ERRFI1: variants seen among roughly 807,000 people sequenced by gnomAD.
ERRFI1 encodes ERBB receptor feedback inhibitor 1, also known as mitogen-inducible gene 6 protein.
ERRFI1 carries 12 observed loss-of-function variants against 14.6 expected under a neutral mutation model. The observed-to-expected ratio is 0.82, with a 90% CI of 0.53 to 1.33. ERRFI1 has a LOEUF of 1.33. Ranked by LOEUF, ERRFI1 falls within the 40% of genes most tolerant of loss-of-function variation. ERRFI1 has a pLI of 0.00. For synonymous variants in ERRFI1, 202 were observed against 209.9 expected (o/e 0.96, Z 0.32); for missense variants, 482 against 572.1 (o/e 0.84, Z 1.61).
chr1:8,022,372 C>T (rs1019733937), intron 1 of ERRFI1, among the ~76,000 whole-genome samples: 3 of 152,136 alleles, frequency 2.0e-5, no homozygotes, highest in Non-Finnish European at 2.9e-5. Context: ...TTGTAAAATC[C>T]GGAATTTAAC....
At chr1:8,015,449 G>A in intron 2 of ERRFI1, 46 bp downstream of exon 2, 3 of 1,614,062 alleles carry the variant, frequency 1.9e-6, no homozygotes, top group Non-Finnish European at 2.5e-6. Context: ...CCATTTTAGT[G>A]TCACATATTT....
Position 8,012,250 on chromosome 1 carries a change from T to C in ERRFI1, c.*960A>G, listed in dbSNP as rs1641095835. 4.3e-6 allele frequency: 1 copy of C among 231,060 alleles called. No individual in the cohort carries two copies. The highest frequency in any genetic ancestry group is 1.8e-4 in the South Asian group (1 of 5,500). 14.3% of individuals were successfully genotyped at this position (231,060 alleles called of 1,614,324 possible). ...AAGGCCAGCTTGTGTTGTATGTTTA[T>C]TAATACAGTCTAAAAAAAAAAAGCA... On this transcript the variant is annotated 3_prime_UTR_variant, in exon 4 of 4. Transcript: ENST00000377482.
Position 8,013,199 on chromosome 1 carries a change from G to A in ERRFI1, c.*11C>T, listed in dbSNP as rs747101585. On this transcript the variant is annotated 3_prime_UTR_variant, in exon 4 of 4. Transcript: ENST00000377482. This position sits in a 1 kb window ranked among gnomAD's most constrained non-coding sequence, Gnocchi z 4.3. ...TCCTATGTAACCTCTGCTGAACCATGACCCCAAGGTCTAAGGAGAAACCAC... is the reference window on the plus strand; with the variant it reads ...TCCTATGTAACCTCTGCTGAACCATAACCCCAAGGTCTAAGGAGAAACCAC... 3.8e-6 allele frequency: 6 copies of A among 1,581,524 alleles called. No individual in the cohort carries two copies. In the East Asian group the frequency reaches 6.7e-5, roughly 18 times the overall value.
At chr1:8,020,416 T>A (rs1186767592) in intron 1 of ERRFI1, among the ~76,000 whole-genome samples, 1 of 152,152 alleles carries the variant, frequency 6.6e-6, no homozygotes, top group African/African-American at 2.4e-5. Flanking sequence ...AAAAGGAAAC[T>A]GATTTAGGAA....
chr1:8,025,045 G>A (rs888504921), intron 1 of ERRFI1, among the ~76,000 whole-genome samples: 2 of 152,086 alleles, frequency 1.3e-5, no homozygotes, highest in Non-Finnish European at 1.5e-5. Context: ...GGAAAAAAAG[G>A]GCATTTTAAC....
chr1:8,014,531 A>G lies in ERRFI1; in HGVS notation c.203-135T>C, dbSNP rs1045603534. ...ACACTTGACTGCTGTCACCCCGAGAACACCCATGCAACCACCACAGGTGTA... is the reference window on the plus strand; with the variant it reads ...ACACTTGACTGCTGTCACCCCGAGAGCACCCATGCAACCACCACAGGTGTA... On this transcript the variant is annotated intron_variant, in intron 3 of 3. Coordinates refer to ENST00000377482, the MANE Select transcript of ERRFI1 (RefSeq NM_018948.4). 1.7e-5 allele frequency: 13 copies of G among 760,190 alleles called. No homozygotes were observed. The East Asian group carries it at 3.4e-4, about 20-fold the overall frequency. 47.1% of individuals were successfully genotyped at this position (760,190 alleles called of 1,614,324 possible).
chr1:8,023,332 C>T (rs957714448), intron 1 of ERRFI1, among the ~76,000 whole-genome samples: 4 of 152,088 alleles, frequency 2.6e-5, no homozygotes, highest in African/African-American at 9.7e-5. Context: ...GGCTGTAGTG[C>T]AGTCGTGTGA....
chr1:8,021,602 T>A (rs1641274838), intron 1 of ERRFI1, among the ~76,000 whole-genome samples: 1 of 152,214 alleles, frequency 6.6e-6, no homozygotes, highest in Non-Finnish European at 1.5e-5. Flanking sequence ...TTAACAAGCA[T>A]TTAAGTTACC....
chr1:8,020,875 G>A (rs530163096), intron 1 of ERRFI1, among the ~76,000 whole-genome samples: 1 of 152,140 alleles, frequency 6.6e-6, no homozygotes, highest in Non-Finnish European at 1.5e-5. Context: ...TATGATTTAG[G>A]TAGGGGTAGG....
intron 1 of ERRFI1, among the ~76,000 whole-genome samples, chr1:8,024,374 A>AT (rs1462055853): frequency 1.3e-5 from 2 of 152,376 alleles, no homozygotes; most frequent in South Asian, 4.1e-4. Flanking sequence ...CAGGCATTTC[A>AT]TAACAGCCAT....
Position 8,015,634 on chromosome 1 carries a change from G to C in ERRFI1, c.-15C>G, listed in dbSNP as rs967780870. On this transcript the variant is annotated 5_prime_UTR_variant, in exon 2 of 4. Transcript: ENST00000377482. ...GCTATTGACATTGTGCCTTATTCTG[G>C]GACATCTCCAAACCTGTGAGGCCCA... The C allele has an allele frequency of 1.9e-6, 3 of 1,613,758 alleles. No homozygotes were observed. The highest frequency in any genetic ancestry group is 3.3e-5 in the Admixed American group (2 of 59,970).
At chr1:8,014,886 AG>A (rs1641150718) in intron 3 of ERRFI1, 1 of 202,796 alleles carries the variant, frequency 4.9e-6, no homozygotes, top group East Asian at 1.1e-4. Flanking sequence ...CAAAGATCCA[AG>A]GAACAGAATA....
intron 1 of ERRFI1, among the ~76,000 whole-genome samples, chr1:8,023,397 C>T (rs1641299836): frequency 6.6e-6 from 1 of 152,170 alleles, no homozygotes; most frequent in African/African-American, 2.4e-5. Context: ...CCCACCTCAG[C>T]CTCCTGAGTA....
rs1369845242 is a variant in ERRFI1, at chr1:8,013,768, A to C, written c.831T>G (p.Asp277Glu). 6.2e-7 allele frequency: 1 copy of C among 1,614,156 alleles called. No individual in the cohort carries two copies. The highest frequency in any genetic ancestry group is 1.3e-5 in the African/African-American group (1 of 75,036). Residue 277 changes from aspartate to glutamate, a missense_variant, in exon 4 of 4, where the codon GAT becomes GAG. Transcript: ENST00000377482. This position sits in a 1 kb window ranked among gnomAD's most constrained non-coding sequence, Gnocchi z 4.3. ...TGGGGGGAACCTCAGGTTTGTCTTC[A>C]TCGGAGTTAGGAGAAGCTCTGTGTA... The part of the protein sequence containing the change: ...CCIHRASPNS[D>E]EDKPEVPPRV...
intron 1 of ERRFI1, among the ~76,000 whole-genome samples, chr1:8,024,313 GA>G (rs1641314741): frequency 1.3e-5 from 2 of 152,236 alleles, no homozygotes; most frequent in African/African-American, 4.8e-5. Flanking sequence ...CTGCAAGTAG[GA>G]AAACCGATGA....
In ERRFI1 at chr1:8,013,075, A is replaced by G; in HGVS notation, c.*135T>C. 1 of 792,736 alleles carries G rather than the reference A, an allele frequency of 1.3e-6. No homozygotes were observed. Among genetic ancestry groups the G allele is most frequent in the East Asian group, 2.7e-5 (1 of 37,372 alleles). 49.1% of individuals were successfully genotyped at this position (792,736 alleles called of 1,614,324 possible). A position where few individuals can be genotyped will look rare whatever the true frequency, so the allele number is the denominator to read the frequency against. On this transcript the variant is annotated 3_prime_UTR_variant, in exon 4 of 4. Transcript: ENST00000377482. This position sits in a 1 kb window ranked among gnomAD's most constrained non-coding sequence, Gnocchi z 4.3. ...TAACAGCATCTCACAACTGCTCTAA[A>G]CCTTCCACATGAAGACAGAGAGTTC...
chr1:8,013,972 A>G lies in ERRFI1; in HGVS notation c.627T>C (p.Tyr209=). The G allele has an allele frequency of 7.4e-6, 12 of 1,614,212 alleles. No homozygotes were observed. The highest frequency in any genetic ancestry group is 1.0e-5 in the Non-Finnish European group (12 of 1,180,036). ...AAACAGCTGGGGTATCAAAATATGC[A>G]TAGTTGATTTGTCCACACCCACGGA... The part of the protein sequence containing the change: ...RSFRGCGQIN[Y]AYFDTPAVSA... The change falls in exon 4 of 4, where the codon TAT becomes TAC. Residue 209 remains tyrosine (Y), a synonymous_variant. Transcript: ENST00000377482. The surrounding 1 kb of genome is among the most constrained non-coding windows in gnomAD (Gnocchi z 4.3).
chr1:8,025,864 A>T (rs1264563777), intron 1 of ERRFI1, among the ~76,000 whole-genome samples: 1 of 151,974 alleles, frequency 6.6e-6, no homozygotes. Flanking sequence ...CGACGACCAC[A>T]GCCGGCGTGG....
In ERRFI1 at chr1:8,026,207, C is replaced by T. The variant is rs2124082054; in HGVS notation, c.-123G>A. 1 of 152,110 alleles carries T rather than the reference C, an allele frequency of 6.6e-6. No individual in the cohort carries two copies. Among genetic ancestry groups the T allele is most frequent in the South Asian group, 2.1e-4 (1 of 4,838 alleles). The allele number at this position is 152,110 out of a possible 1,614,324, so 9.4% of individuals were successfully genotyped here. ...CGGCGCCCTCCCGCGCATGTCCGTC[C>T]CGGCTGGCTCAGCGCCGCGGGCTCA... On this transcript the variant is annotated 5_prime_UTR_variant, in exon 1 of 4. Coordinates refer to ENST00000377482, the MANE Select transcript of ERRFI1 (RefSeq NM_018948.4).
Sources: gnomAD v4.1 joint callset for allele counts (sites outside exome capture counted in the v4.1 genomes callset) on GRCh38, gnomAD v4.1.1 for gene constraint, Gnocchi (gnomAD v3.1) non-coding constraint, MANE v1.5 for transcripts, NCBI Gene and HGNC (gene_info 2026-07-23, HGNC 2026-07-21) for gene names.